Variants in MEF2A observed in about 807,000 individuals in gnomAD.
MEF2A encodes the protein myocyte enhancer factor 2A.
In MEF2A, 28 loss-of-function variants were observed where a neutral mutation model predicts 55.8. The observed-to-expected ratio is 0.50, with a 90% CI of 0.37 to 0.69. The LOEUF (loss-of-function observed/expected upper bound fraction) is 0.69. Among genes scored for constraint, MEF2A ranks in the 30% least tolerant of loss-of-function variants. The pLI is 0.00. For synonymous variants in MEF2A, 239 were observed against 227.1 expected (o/e 1.05, Z -0.47); for missense variants, 528 against 626.2 (o/e 0.84, Z 1.67).
chr15:99,641,617 G>A (rs537328523), intron 3 of MEF2A, among the ~76,000 whole-genome samples: 2 of 152,206 alleles, frequency 1.3e-5, no homozygotes, highest in East Asian at 3.9e-4. Context: ...CAGCTACTCG[G>A]GAGGCTGAGG....
intron 3 of MEF2A, among the ~76,000 whole-genome samples, chr15:99,635,322 C>T (rs535939228): frequency 5.6e-4 from 85 of 152,242 alleles, no homozygotes; most frequent in African/African-American, 2.0e-3. Flanking sequence ...TGGAACAGTA[C>T]ACAAATAATC....
At chr15:99,702,765 A>G (rs1426905449) in intron 8 of MEF2A, among the ~76,000 whole-genome samples, 1 of 152,176 alleles carries the variant, frequency 6.6e-6, no homozygotes, top group Non-Finnish European at 1.5e-5. Flanking sequence ...CATTGAAGTC[A>G]TTTTATTCAC....
At chr15:99,626,059 C>A (rs895726767) in intron 2 of MEF2A, among the ~76,000 whole-genome samples, 2 of 152,124 alleles carry the variant, frequency 1.3e-5, no homozygotes, top group African/African-American at 2.4e-5. Flanking sequence ...TGGTAGAATT[C>A]ATCAATGAAG....
At chr15:99,656,328 A>G (rs2047700167) in intron 4 of MEF2A, among the ~76,000 whole-genome samples, 1 of 152,126 alleles carries the variant, frequency 6.6e-6, no homozygotes, top group Non-Finnish European at 1.5e-5. Context: ...AGATAAGTAT[A>G]GAGGCCTCTG....
At chr15:99,658,491 G>T (rs2153557312) in intron 4 of MEF2A, among the ~76,000 whole-genome samples, 1 of 152,082 alleles carries the variant, frequency 6.6e-6, no homozygotes, top group South Asian at 2.1e-4. Context: ...GACGGAAACA[G>T]AGAATCGGGT....
chr15:99,623,967 C>T (rs560498001), intron 2 of MEF2A, among the ~76,000 whole-genome samples: 17 of 152,078 alleles, frequency 1.1e-4, no homozygotes, highest in Non-Finnish European at 1.5e-4. Flanking sequence ...ACCACCAACC[C>T]GGCTAATTTT....
chr15:99,712,551 C>T lies in MEF2A; in HGVS notation c.1298C>T (p.Pro433Leu), dbSNP rs1487767106. 4.5e-6 allele frequency: 7 copies of T among 1,550,130 alleles called. No homozygotes were observed. The highest frequency in any genetic ancestry group is 5.2e-6 in the Non-Finnish European group (6 of 1,146,310). The change falls in exon 12 of 12, where the codon CCG becomes CTG. Residue 433 changes from proline to leucine, a missense_variant. Around this residue, in one of 2 missense-constraint regions of MEF2A, gnomAD observed 450 missense variants for 475.3 expected, o/e 0.95. Coordinates refer to ENST00000557942, the MANE Select transcript of MEF2A (RefSeq NM_001319206.4). This position sits in a 1 kb window ranked among gnomAD's most constrained non-coding sequence, Gnocchi z 4.1. ...CAGCAGCAGCAGCCGCCGCCACCAC[C>T]GCAGCCCCAGCCACAACCCCCGCAG... The part of the protein sequence containing the change: ...QQQQQQPPPP[P>L]QPQPQPPQPQ...
intron 2 of MEF2A, among the ~76,000 whole-genome samples, chr15:99,623,891 T>G (rs2153314949): frequency 6.7e-6 from 1 of 149,952 alleles, no homozygotes; most frequent in South Asian, 2.3e-4. Flanking sequence ...CACTGCAATC[T>G]CCGCTTCCCG....
rs543722264 is a variant in MEF2A, at chr15:99,626,833, G to A, written c.-142-6145G>A. On this transcript the variant is annotated intron_variant, in intron 2 of 11. Coordinates refer to ENST00000557942, the MANE Select transcript of MEF2A (RefSeq NM_001319206.4). Reference sequence around the variant, plus strand: ...TAAATTTCTCTCAGGATCAAGACAAGCAAAGTCATCTAACCGAAAGCGAAG... The same window carrying A: ...TAAATTTCTCTCAGGATCAAGACAAACAAAGTCATCTAACCGAAAGCGAAG... Among the ~76,000 whole-genome samples, 3 of 152,258 alleles carry A rather than the reference G, an allele frequency of 2.0e-5. No homozygotes were observed. The East Asian group carries it at 5.8e-4, about 29-fold the overall frequency.
intron 4 of MEF2A, among the ~76,000 whole-genome samples, chr15:99,666,610 T>TAATAAA (rs558175306): frequency 6.6e-4 from 98 of 148,424 alleles, no homozygotes; most frequent in South Asian, 1.3e-3. Flanking sequence ...ATAATAATAA[T>TAATAAA]AAAAAGATCA....
At chr15:99,666,705 C>T (rs927352831) in intron 4 of MEF2A, among the ~76,000 whole-genome samples, 1 of 151,932 alleles carries the variant, frequency 6.6e-6, no homozygotes, top group African/African-American at 2.4e-5. Flanking sequence ...AAAGCAAAAC[C>T]TTCTAAGTTT....
chr15:99,680,995 T>A (rs2053147056), intron 7 of MEF2A, among the ~76,000 whole-genome samples: 1 of 152,214 alleles, frequency 6.6e-6, no homozygotes, highest in Non-Finnish European at 1.5e-5. Context: ...TTTGCTTATT[T>A]GTTTATGATT....
intron 7 of MEF2A, among the ~76,000 whole-genome samples, chr15:99,677,052 C>T (rs981163378): frequency 1.6e-4 from 24 of 151,936 alleles, no homozygotes; most frequent in African/African-American, 4.6e-4. Context: ...TCCCAGGAGG[C>T]GGAGGTTGCA....
chr15:99,575,042 T>G (rs1418623627), intron 1 of MEF2A, among the ~76,000 whole-genome samples: 1 of 107,840 alleles, frequency 9.3e-6, no homozygotes, highest in Non-Finnish European at 2.1e-5. Flanking sequence ...CTCCTTTTTT[T>G]CTCTTTTTTG....
At chr15:99,632,927 T>A (rs925673642) in intron 2 of MEF2A, 51 bp from the exon 3 acceptor site, 1 of 487,698 alleles carries the variant, frequency 2.1e-6, no homozygotes. Context: ...AACACTTACA[T>A]GATTTGTAAA....
At chr15:99,700,185 TATACACACAC>T (rs1157779803) in intron 8 of MEF2A, among the ~76,000 whole-genome samples, 9 of 100,396 alleles carry the variant, frequency 9.0e-5, no homozygotes, top group South Asian at 5.3e-4. Context: ...TGTGTGTATA[TATACACACAC>T]ACACACACAC....
intron 9 of MEF2A, 134 bp downstream of exon 9, chr15:99,703,519 A>T: frequency 1.4e-6 from 1 of 699,594 alleles, no homozygotes; most frequent in Non-Finnish European, 2.3e-6. Flanking sequence ...CTTTGAATAA[A>T]GCAATCTACT....
intron 1 of MEF2A, among the ~76,000 whole-genome samples, chr15:99,566,860 G>T (rs906015718): frequency 3.3e-5 from 5 of 152,164 alleles, no homozygotes; most frequent in African/African-American, 1.2e-4. Flanking sequence ...GAGACGTCGC[G>T]GGGACAGAGG....
At chr15:99,569,416 G>T (rs750305495) in intron 1 of MEF2A, among the ~76,000 whole-genome samples, 2 of 152,186 alleles carry the variant, frequency 1.3e-5, no homozygotes, top group African/African-American at 4.8e-5. Context: ...TGTATCAATA[G>T]AGAATGCTTA....
Sources: gnomAD v4.1 joint callset for allele counts (sites outside exome capture counted in the v4.1 genomes callset) on GRCh38, gnomAD v4.1.1 for gene constraint, gnomAD v4.1.1 regional missense constraint, Gnocchi (gnomAD v3.1) non-coding constraint, MANE v1.5 for transcripts, NCBI Gene and HGNC (gene_info 2026-07-23, HGNC 2026-07-21) for gene names.